The following HIPK2 variants were observed in gnomAD, a reference collection of about 807,000 sequenced individuals.
HIPK2 encodes the protein homeodomain-interacting protein kinase 2.
A neutral mutation model predicts 113.7 loss-of-function variants in HIPK2; 27 were observed. That is an observed-to-expected ratio of 0.24 (90% CI 0.17 to 0.33). The LOEUF (loss-of-function observed/expected upper bound fraction) is 0.33. Ranked by LOEUF, HIPK2 falls within the 10% of genes least tolerant of loss-of-function variation. HIPK2 has a pLI of 1.00. For synonymous variants in HIPK2, 631 were observed against 642.2 expected, an observed-to-expected ratio of 0.98 and a Z score of 0.26; for missense variants, 1,257 against 1,588.0, an observed-to-expected ratio of 0.79 and a Z score of 3.54.
intron 12 of HIPK2, among the ~76,000 whole-genome samples, chr7:139,590,475 T>C (rs1798980169): frequency 6.6e-6 from 1 of 152,222 alleles, no homozygotes; most frequent in Admixed American, 6.5e-5. Context: ...TATTTGCTAA[T>C]CTGAGTCAAT....
At chr7:139,740,003 C>T (rs1796053186) in intron 1 of HIPK2, among the ~76,000 whole-genome samples, 2 of 152,232 alleles carry the variant, frequency 1.3e-5, no homozygotes, top group East Asian at 3.9e-4. Context: ...TGCGATGCAA[C>T]CATGTGGACA....
intron 2 of HIPK2, among the ~76,000 whole-genome samples, chr7:139,688,153 A>C (rs1427539631): frequency 6.6e-6 from 1 of 151,844 alleles, no homozygotes; most frequent in African/African-American, 2.4e-5. Flanking sequence ...GCACACACAC[A>C]CCCCATCCCT....
chr7:139,603,803 A>G (rs774586459), intron 10 of HIPK2, among the ~76,000 whole-genome samples: 5 of 152,214 alleles, frequency 3.3e-5, no homozygotes, highest in Non-Finnish European at 5.9e-5. Context: ...AAGTCTGGTG[A>G]ATTACACTGA....
chr7:139,640,501 T>G (rs147235720), intron 2 of HIPK2, among the ~76,000 whole-genome samples: 19 of 152,294 alleles, frequency 1.2e-4, no homozygotes, highest in Non-Finnish European at 1.0e-4. Context: ...TGGGTACAGG[T>G]ATGAAGACTA....
At chr7:139,725,397 G>A (rs201724595) in intron 1 of HIPK2, among the ~76,000 whole-genome samples, 14 of 152,182 alleles carry the variant, frequency 9.2e-5, no homozygotes, top group African/African-American at 2.9e-4. Context: ...GACTCATGGC[G>A]GGAGCGGCCA....
intron 2 of HIPK2, among the ~76,000 whole-genome samples, chr7:139,670,444 T>C (rs1250746110): frequency 8.9e-6 from 1 of 112,084 alleles, no homozygotes; most frequent in Non-Finnish European, 1.9e-5. Context: ...AAAAAAAAAA[T>C]TAGCTGGGCA....
intron 2 of HIPK2, among the ~76,000 whole-genome samples, chr7:139,669,387 G>C (rs148701636): frequency 6.6e-6 from 1 of 152,284 alleles, no homozygotes; most frequent in East Asian, 1.9e-4. Flanking sequence ...TAAAGGCAGC[G>C]GTGACAGTAA....
At chr7:139,680,985 G>A (rs896453847) in intron 2 of HIPK2, among the ~76,000 whole-genome samples, 1 of 152,202 alleles carries the variant, frequency 6.6e-6, no homozygotes, top group Admixed American at 6.5e-5. Context: ...ACATCGTCAC[G>A]CTATATTCAT....
chr7:139,566,138 T>G lies in HIPK2; in HGVS notation c.*6789A>C, dbSNP rs1798084689. On this transcript the variant is annotated 3_prime_UTR_variant, in exon 15 of 15. Coordinates refer to ENST00000406875, the MANE Select transcript of HIPK2 (RefSeq NM_022740.5). This position sits in a 1 kb window ranked among gnomAD's most constrained non-coding sequence, Gnocchi z 4.1. ...TCTGCCCCTTTTGCCTAAATCCAAC[T>G]CAGGAGCCCCCTCTTTGCACAGTCC... is the stretch of plus-strand genomic sequence containing the variant. 1 of 152,276 alleles carries G rather than the reference T, an allele frequency of 6.6e-6. No homozygotes were observed. Among genetic ancestry groups the G allele is most frequent in the Non-Finnish European group, 1.5e-5 (1 of 68,010 alleles). The allele number at this position is 152,276 out of a possible 1,614,324, so 9.4% of individuals were successfully genotyped here. A position where few individuals can be genotyped will look rare whatever the true frequency, so the allele number is the denominator to read the frequency against.
At chr7:139,734,390 G>A (rs1047165405) in intron 1 of HIPK2, among the ~76,000 whole-genome samples, 1 of 152,148 alleles carries the variant, frequency 6.6e-6, no homozygotes. Context: ...AAACTTTGAC[G>A]CAAATCACTC....
chr7:139,667,090 C>G (rs1435998404), intron 2 of HIPK2, among the ~76,000 whole-genome samples: 1 of 151,614 alleles, frequency 6.6e-6, no homozygotes, highest in African/African-American at 2.4e-5. Context: ...AACAAAAAAA[C>G]TCCACACTCT....
chr7:139,726,535 A>C (rs962528184), intron 1 of HIPK2, among the ~76,000 whole-genome samples: 9 of 152,208 alleles, frequency 5.9e-5, no homozygotes, highest in African/African-American at 2.2e-4. Flanking sequence ...AATTATGAGC[A>C]CTAACGGGAT....
rs74620806 is a variant in HIPK2 at position 139,586,516 on chromosome 7, C to A, written c.2718-2452G>T. Among the ~76,000 whole-genome samples the A allele has an allele frequency of 4.5e-3, 690 of 152,136 alleles. 6 individuals are homozygous for A. Among genetic ancestry groups the A allele is most frequent in the African/African-American group, 0.016 (648 of 41,482 alleles). On this transcript the variant is annotated intron_variant, in intron 12 of 14. Transcript: ENST00000406875. ...GGGAGGGGTGGCTCATGCCTGTAAT[C>A]TCGGTGCTTTGGGAGGCTGAGGTGG...
chr7:139,634,749 C>T (rs1224698783), intron 2 of HIPK2, among the ~76,000 whole-genome samples: 1 of 139,374 alleles, frequency 7.2e-6, no homozygotes, highest in Non-Finnish European at 1.5e-5. Context: ...ATGATCTTGG[C>T]TCACTGCAAC....
chr7:139,767,917 TG>T (rs1411066360), intron 1 of HIPK2, among the ~76,000 whole-genome samples: 1 of 152,258 alleles, frequency 6.6e-6, no homozygotes, highest in East Asian at 1.9e-4. Flanking sequence ...ACATGGGCTG[TG>T]CCCATTCATA....
At chr7:139,728,848 T>C (rs1181911617) in intron 1 of HIPK2, among the ~76,000 whole-genome samples, 1 of 152,216 alleles carries the variant, frequency 6.6e-6, no homozygotes, top group Non-Finnish European at 1.5e-5. Context: ...CTCTATATCT[T>C]ACCTTAAAGG....
intron 2 of HIPK2, among the ~76,000 whole-genome samples, chr7:139,689,954 T>A (rs574270473): frequency 4.6e-5 from 7 of 151,450 alleles, no homozygotes; most frequent in African/African-American, 1.7e-4. Context: ...TTGCTCACCA[T>A]CCACAGTGAG....
intron 12 of HIPK2, among the ~76,000 whole-genome samples, chr7:139,591,281 G>A (rs1345983432): frequency 1.3e-5 from 2 of 152,318 alleles, no homozygotes; most frequent in Non-Finnish European, 2.9e-5. Flanking sequence ...AAACAGGGTC[G>A]CAGAAGTAGC....
intron 2 of HIPK2, among the ~76,000 whole-genome samples, chr7:139,638,575 A>G (rs370532825): frequency 6.6e-6 from 1 of 152,190 alleles, no homozygotes; most frequent in Non-Finnish European, 1.5e-5. Flanking sequence ...TGCACCTAAG[A>G]AAGAGGACTC....
Sources: allele counts gnomAD v4.1 joint callset (sites outside exome capture counted in the v4.1 genomes callset), GRCh38; gene constraint gnomAD v4.1.1; non-coding constraint Gnocchi (gnomAD v3.1); transcripts MANE v1.5; gene names NCBI Gene and HGNC (gene_info 2026-07-23, HGNC 2026-07-21).